Variants in TARBP1 observed in about 807,000 individuals in gnomAD.
TARBP1 encodes the protein tRNA guanosine 2 -O-methyltransferase TARBP1.
In TARBP1, 144 loss-of-function variants were observed where a neutral mutation model predicts 178.6. The observed-to-expected ratio is 0.81, with a 90% CI of 0.70 to 0.93. TARBP1 has a LOEUF of 0.93. TARBP1 is among the 40% of genes least tolerant of loss of function. TARBP1 has a pLI of 0.00. For missense variants in TARBP1, 2,067 were observed against 2,011.7 expected, an observed-to-expected ratio of 1.03 and a Z score of -0.53; for synonymous variants, 787 against 781.0, an observed-to-expected ratio of 1.01 and a Z score of -0.13.
chr1:234,419,781 C>A lies in TARBP1; in HGVS notation c.3555+921G>T, dbSNP rs1662878820. On this transcript the variant is annotated intron_variant, in intron 21 of 29. Transcript: ENST00000040877. ...TGAAAAATAGCAACCTCCCCCACCC[C>A]CCACATCCATCAAAACTACTCCCCA... 2.0e-5 allele frequency among the ~76,000 whole-genome samples: 3 copies of A among 152,172 alleles called. No individual in the cohort carries two copies. In the South Asian group the frequency reaches 6.2e-4, roughly 32 times the overall value.
chr1:234,406,364 T>C, intron 23 of TARBP1: 1 of 421,184 alleles, frequency 2.4e-6, no homozygotes, highest in South Asian at 4.0e-5. Context: ...CATACTCTAG[T>C]ACCTGAGTTA....
intron 9 of TARBP1, among the ~76,000 whole-genome samples, chr1:234,455,441 C>T (rs1466951476): frequency 6.6e-6 from 1 of 152,150 alleles, no homozygotes; most frequent in Non-Finnish European, 1.5e-5. Flanking sequence ...AACAATGGTA[C>T]AACCACCAGA....
At chr1:234,402,139 T>G (rs887462496) in intron 24 of TARBP1, among the ~76,000 whole-genome samples, 11 of 152,198 alleles carry the variant, frequency 7.2e-5, no homozygotes, top group Non-Finnish European at 1.2e-4. Flanking sequence ...CCATCAGTAA[T>G]GGACTCAAGC....
chr1:234,391,693 C>T lies in TARBP1; in HGVS notation c.4750G>A (p.Val1584Met). 1 of 1,613,680 alleles carries T rather than the reference C, an allele frequency of 6.2e-7. No individual in the cohort carries two copies. The highest frequency in any genetic ancestry group is 1.3e-5 in the African/African-American group (1 of 75,042). ...ATAATGCCCTGTTGAGGAATTTCCACACAAACGTCCAACTGTTGGATCAGA... is the reference window on the plus strand; with the variant it reads ...ATAATGCCCTGTTGAGGAATTTCCATACAAACGTCCAACTGTTGGATCAGA... Reference protein sequence around the residue: ...ANLIQQLDVCVEIPQQGIIRS... With the variant: ...ANLIQQLDVCMEIPQQGIIRS... Residue 1584 changes from valine to methionine, a missense_variant, in exon 30 of 30, where the codon GTG becomes ATG. By Grantham distance (21) the Val-to-Met change is conservative. Transcript: ENST00000040877.
chr1:234,392,780 G>A lies in TARBP1; in HGVS notation c.4561-228C>T, dbSNP rs543490328. 819 of 262,198 alleles carry A rather than the reference G, an allele frequency of 3.1e-3. 5 individuals are homozygous for A. The highest frequency in any genetic ancestry group is 4.6e-3 in the Non-Finnish European group (655 of 141,314). 16.2% of individuals were successfully genotyped at this position (262,198 alleles called of 1,614,324 possible). Reference sequence around the variant, plus strand: ...GGCTGGAGTGCAGTGGCGCGATCTTGGCTCACTGCAAGCTCCGCCTCCCGG... The same window carrying A: ...GGCTGGAGTGCAGTGGCGCGATCTTAGCTCACTGCAAGCTCCGCCTCCCGG... On this transcript the variant is annotated intron_variant, in intron 28 of 29. Coordinates refer to ENST00000040877, the MANE Select transcript of TARBP1 (RefSeq NM_005646.4).
At chr1:234,405,817 AAGCTGACAC>A (rs1304266315) in intron 24 of TARBP1, 77 bp downstream of exon 24, 2 of 1,283,900 alleles carry the variant, frequency 1.6e-6, no homozygotes, top group African/African-American at 1.5e-5. Flanking sequence ...GTGGAAGGAG[AAGCTGACAC>A]AGTATGGGCA....
rs1388146955 is a variant in TARBP1, at chr1:234,478,220, G to C, written c.884C>G (p.Ser295Trp). The change falls in exon 1 of 30, where the codon TCG becomes TGG. Residue 295 changes from serine to tryptophan, a missense_variant. Coordinates refer to ENST00000040877, the MANE Select transcript of TARBP1 (RefSeq NM_005646.4). ...GGTGCAGTCGGCCCCCAGCTCCGCC[G>C]ACACCTCCACCGCCCTCTGCAGCAG... ...RYLLQRAVEV[S>W]AELGADCTCG... The C allele has an allele frequency of 1.2e-5, 20 of 1,611,820 alleles. No individual in the cohort carries two copies. The highest frequency in any genetic ancestry group is 1.6e-5 in the Non-Finnish European group (19 of 1,179,582).
intron 6 of TARBP1, among the ~76,000 whole-genome samples, chr1:234,463,220 T>C (rs1048802278): frequency 1.3e-5 from 2 of 152,114 alleles, no homozygotes; most frequent in Non-Finnish European, 2.9e-5. Flanking sequence ...GCCTCTTGGG[T>C]TCAAGTGATT....
intron 25 of TARBP1, among the ~76,000 whole-genome samples, chr1:234,399,779 G>GC (rs1365242976): frequency 1.3e-5 from 2 of 151,002 alleles, no homozygotes; most frequent in East Asian, 3.9e-4. Context: ...GTAAACTATC[G>GC]CAAGAACGAA....
intron 1 of TARBP1, among the ~76,000 whole-genome samples, chr1:234,476,918 G>A (rs973248902): frequency 1.3e-5 from 2 of 152,248 alleles, no homozygotes; most frequent in Admixed American, 1.3e-4. Flanking sequence ...GAGCGCGGTG[G>A]CTCACGCCTG....
At chr1:234,412,358 G>C (rs1436866762) in intron 22 of TARBP1, among the ~76,000 whole-genome samples, 2 of 151,086 alleles carry the variant, frequency 1.3e-5, no homozygotes, top group African/African-American at 4.9e-5. Flanking sequence ...GGAGATGGAG[G>C]TTGCAGTGAG....
intron 9 of TARBP1, among the ~76,000 whole-genome samples, chr1:234,452,376 C>T (rs1312026219): frequency 2.6e-5 from 4 of 152,024 alleles, no homozygotes; most frequent in African/African-American, 4.8e-5. Context: ...AAAACCTCAC[C>T]GTAAGAAAAC....
At position 234,478,279 on chromosome 1, in the gene TARBP1, C is replaced by G; in HGVS notation, c.825G>C (p.Gln275His). The G allele has an allele frequency of 1.3e-6, 2 of 1,582,556 alleles. No homozygotes were observed. Among genetic ancestry groups the G allele is most frequent in the East Asian group, 2.3e-5 (1 of 43,214 alleles). The change falls in exon 1 of 30, where the codon CAG (glutamine) becomes CAC (histidine). Residue 275 changes from glutamine to histidine, a missense_variant. Gln to His is a conservative substitution (Grantham distance 24, BLOSUM62 0). Coordinates refer to ENST00000040877, the MANE Select transcript of TARBP1 (RefSeq NM_005646.4). The stretch of plus-strand genomic sequence containing the variant: ...CTCGCTTGCGCGTCAGGGCGTCCGC[C>G]TGGCCCAGCCCCGCCTGCACCGTCC... ...FWRTVQAGLGQADALTRKRAR... is the reference protein window; with the variant it reads ...FWRTVQAGLGHADALTRKRAR...
chr1:234,468,763 G>A (rs570584506), intron 3 of TARBP1, among the ~76,000 whole-genome samples: 1 of 151,948 alleles, frequency 6.6e-6, no homozygotes, highest in South Asian at 2.1e-4. Context: ...CTGCAGCCCT[G>A]CTGGTCCTTC....
chr1:234,449,023 C>T (rs781426206), intron 10 of TARBP1, among the ~76,000 whole-genome samples: 13 of 152,134 alleles, frequency 8.5e-5, no homozygotes, highest in Non-Finnish European at 1.3e-4. Context: ...AGTGTGACGA[C>T]TCAAGAGGAA....
chr1:234,463,655 T>C (rs1011769292), intron 6 of TARBP1, among the ~76,000 whole-genome samples, 182 bp downstream of exon 6: 3 of 152,102 alleles, frequency 2.0e-5, no homozygotes, highest in African/African-American at 7.2e-5. Context: ...TCATACACAA[T>C]GACTAAAGTG....
intron 19 of TARBP1, 77 bp downstream of exon 19, chr1:234,427,240 T>A (rs1039232547): frequency 1.0e-6 from 1 of 1,004,066 alleles, no homozygotes; most frequent in Non-Finnish European, 1.5e-6. Context: ...ATTTAGCAAA[T>A]ACAGAATGTT....
At chr1:234,415,786 C>T (rs1424982514) in intron 22 of TARBP1, among the ~76,000 whole-genome samples, 1 of 152,176 alleles carries the variant, frequency 6.6e-6, no homozygotes, top group Non-Finnish European at 1.5e-5. Context: ...AGTGAACTAG[C>T]TCTCTCTGGC....
intron 1 of TARBP1, among the ~76,000 whole-genome samples, chr1:234,475,703 G>A (rs985067437): frequency 1.3e-5 from 2 of 152,210 alleles, no homozygotes; most frequent in Admixed American, 1.3e-4. Context: ...TGGAAGAAAT[G>A]AAAAGCCCCT....
Sources: allele counts gnomAD v4.1 joint callset (sites outside exome capture counted in the v4.1 genomes callset), GRCh38; gene constraint gnomAD v4.1.1; transcripts MANE v1.5; gene names NCBI Gene and HGNC (gene_info 2026-07-23, HGNC 2026-07-21).